SERINC5: variants seen among roughly 807,000 people sequenced by gnomAD.
SERINC5 encodes the protein serine incorporator 5.
Under a neutral mutation model 63.1 loss-of-function variants are expected in SERINC5, and 41 were observed. The ratio of observed to expected loss-of-function variants is 0.65; its 90% CI spans 0.51 to 0.84. The LOEUF (loss-of-function observed/expected upper bound fraction) is 0.84. SERINC5 is among the 40% of genes least tolerant of loss of function. The probability of loss-of-function intolerance (pLI) is 0.00; values close to 1 mark genes in which losing one functional copy is unlikely to be tolerated. For synonymous variants in SERINC5, 222 were observed against 215.2 expected (o/e 1.03, Z -0.28); for missense variants, 523 against 573.0 (o/e 0.91, Z 0.89).
At chr5:80,255,003 A>G (rs1329382997) in intron 1 of SERINC5, 1 of 152,046 alleles carries the variant, frequency 6.6e-6, no homozygotes, top group Non-Finnish European at 1.5e-5. Context: ...TCGTGAAAAC[A>G]CTCCATTAAA....
chr5:80,233,851 G>A (rs1396217479), intron 1 of SERINC5, among the ~76,000 whole-genome samples: 8 of 118,864 alleles, frequency 6.7e-5, no homozygotes, highest in Non-Finnish European at 1.3e-4. Context: ...TCACTCTGTC[G>A]CCCAGGCTGG....
chr5:80,241,941 T>C (rs531477535), intron 1 of SERINC5, among the ~76,000 whole-genome samples: 3 of 150,742 alleles, frequency 2.0e-5, no homozygotes, highest in African/African-American at 7.3e-5. Context: ...CTGGGCAACA[T>C]AGTAAGACCG....
rs70982042 is a variant in SERINC5 at position 80,230,459 on chromosome 5, A to AAAAAAAAAAAAAAG, written c.27+25436_27+25437insCTTTTTTTTTTTTT. On this transcript the variant is annotated intron_variant, in intron 1 of 11. Transcript: ENST00000507668. ...CAAGACTGTCACAAAAAAAAAAAAAAAAAGAAACCATTGCTCTTCAAATTT... is the reference window on the plus strand; with the variant it reads ...CAAGACTGTCACAAAAAAAAAAAAAAAAAAAAAAAAAAAGAAAGAAACCATTGCTCTTCAAATTT... Among the ~76,000 whole-genome samples, 843 of 128,418 alleles carry AAAAAAAAAAAAAAG rather than the reference A, an allele frequency of 6.6e-3. 23 individuals are homozygous for AAAAAAAAAAAAAAG. The highest frequency in any genetic ancestry group is 0.013 in the African/African-American group (423 of 31,930). 84.2% of individuals were successfully genotyped at this position (128,418 alleles called of 152,430 possible). A position where few individuals can be genotyped will look rare whatever the true frequency, so the allele number is the denominator to read the frequency against.
At chr5:80,241,732 A>G (rs1751949929) in intron 1 of SERINC5, among the ~76,000 whole-genome samples, 1 of 152,112 alleles carries the variant, frequency 6.6e-6, no homozygotes, top group African/African-American at 2.4e-5. Flanking sequence ...AAAAAAAAGA[A>G]GGGGAAATGA....
intron 2 of SERINC5, among the ~76,000 whole-genome samples, chr5:80,180,600 G>T (rs896493925): frequency 6.6e-6 from 1 of 152,134 alleles, no homozygotes; most frequent in African/African-American, 2.4e-5. Flanking sequence ...CTCCCAAAGA[G>T]GTTGCTCGGT....
intron 11 of SERINC5, among the ~76,000 whole-genome samples, chr5:80,120,670 C>T (rs1377015851): frequency 6.6e-6 from 1 of 151,864 alleles, no homozygotes; most frequent in Non-Finnish European, 1.5e-5. Flanking sequence ...AAAAAATTAG[C>T]CAGGTGTGGG....
chr5:80,194,378 G>T (rs1211402852), intron 2 of SERINC5, among the ~76,000 whole-genome samples: 1 of 152,194 alleles, frequency 6.6e-6, no homozygotes, highest in Non-Finnish European at 1.5e-5. Flanking sequence ...TCAAGAGCCA[G>T]ACTCTCCAGC....
intron 11 of SERINC5, among the ~76,000 whole-genome samples, chr5:80,120,193 ACACAACTAGACTATATTTCCCAG>A (rs1319491164): frequency 6.6e-6 from 1 of 152,190 alleles, no homozygotes; most frequent in Non-Finnish European, 1.5e-5. Flanking sequence ...TCTTGTTCAT[ACACAACTAGACTATATTTCCCAG>A]CACCCTTTGC....
chr5:80,130,267 C>A (rs1224282141), intron 11 of SERINC5, among the ~76,000 whole-genome samples: 2 of 152,024 alleles, frequency 1.3e-5, no homozygotes, highest in African/African-American at 4.8e-5. Flanking sequence ...GTAATCCCAG[C>A]TACTCGGGAG....
chr5:80,150,324 G>A (rs1211169992), intron 9 of SERINC5, among the ~76,000 whole-genome samples: 1 of 152,180 alleles, frequency 6.6e-6, no homozygotes, highest in Non-Finnish European at 1.5e-5. Context: ...GGTTGGGGGT[G>A]AGCGGCAGGA....
chr5:80,221,717 C>A (rs1750913517), intron 1 of SERINC5, among the ~76,000 whole-genome samples: 1 of 151,482 alleles, frequency 6.6e-6, no homozygotes, highest in East Asian at 1.9e-4. Flanking sequence ...AATTTGCTAC[C>A]CACCATATAG....
intron 4 of SERINC5, 138 bp downstream of exon 4, chr5:80,177,177 T>C (rs1748088849): frequency 9.7e-6 from 6 of 615,896 alleles, no homozygotes; most frequent in Middle Eastern, 6.3e-4. Flanking sequence ...TATGGGCAGG[T>C]AAGTCAGGAA....
chr5:80,221,506 C>T (rs1395108849), intron 1 of SERINC5, among the ~76,000 whole-genome samples: 1 of 151,994 alleles, frequency 6.6e-6, no homozygotes, highest in Non-Finnish European at 1.5e-5. Flanking sequence ...TGCTAATGGA[C>T]ACATCCTTAG....
intron 1 of SERINC5, among the ~76,000 whole-genome samples, chr5:80,241,032 TAATTC>T (rs1374096556): frequency 6.6e-6 from 1 of 152,170 alleles, no homozygotes; most frequent in African/African-American, 2.4e-5. Context: ...TCATGTTACT[TAATTC>T]ATCATTTCAA....
chr5:80,245,799 G>C lies in SERINC5; in HGVS notation c.27+10097C>G, dbSNP rs149356937. Among the ~76,000 whole-genome samples the C allele has an allele frequency of 3.8e-4, 57 of 151,628 alleles. No homozygotes were observed. In the East Asian group the frequency reaches 9.9e-3, roughly 26 times the overall value. On this transcript the variant is annotated intron_variant, in intron 1 of 11. Coordinates refer to ENST00000507668, the MANE Select transcript of SERINC5 (RefSeq NM_001174072.3). ...CTGGCTAATTTTTGTATTTTTAGTA[G>C]AGACGGGGCTTCACCATGTTGGCCA...
chr5:80,112,969 T>A (rs79723987), intron 12 of SERINC5, among the ~76,000 whole-genome samples: 6,245 of 152,110 alleles, frequency 0.041, 425 homozygotes, highest in African/African-American at 0.14. Flanking sequence ...GTCTCAAAAA[T>A]AGTATGATTT....
chr5:80,151,037 C>T (rs891742114), intron 8 of SERINC5, 89 bp from the exon 9 acceptor site: 28 of 910,218 alleles, frequency 3.1e-5, no homozygotes, highest in Middle Eastern at 2.6e-4. Context: ...AGTGCTCCGA[C>T]GAGAGCCTCA....
chr5:80,146,381 C>G, intron 10 of SERINC5, 147 bp from the exon 11 acceptor site: 2 of 872,096 alleles, frequency 2.3e-6, no homozygotes, highest in Middle Eastern at 3.6e-4. Flanking sequence ...AATCTGTGCC[C>G]TAAGCACAAA....
intron 11 of SERINC5, chr5:80,129,127 C>T (rs1360793144): frequency 6.6e-6 from 1 of 152,156 alleles, no homozygotes; most frequent in East Asian, 1.9e-4. Context: ...CATGGCTGCT[C>T]CTACTAGAAA....
Sources: allele counts gnomAD v4.1 joint callset (sites outside exome capture counted in the v4.1 genomes callset), GRCh38; gene constraint gnomAD v4.1.1; transcripts MANE v1.5; gene names NCBI Gene and HGNC (gene_info 2026-07-23, HGNC 2026-07-21).